SGCD: variants seen among roughly 807,000 people sequenced by gnomAD.
SGCD encodes the protein sarcoglycan delta, also known as delta-sarcoglycan.
Under a neutral mutation model 36.6 loss-of-function variants are expected in SGCD, and 18 were observed. The ratio of observed to expected loss-of-function variants is 0.49; its 90% CI spans 0.34 to 0.73. SGCD has a LOEUF of 0.73. Among genes scored for constraint, SGCD ranks in the 30% least tolerant of loss-of-function variants. The pLI is 0.01. For synonymous variants in SGCD, 133 were observed against 130.6 expected, an observed-to-expected ratio of 1.02 and a Z score of -0.12; for missense variants, 387 against 346.7, an observed-to-expected ratio of 1.12 and a Z score of -0.92.
At chr5:155,757,043 G>A in the SGCD span, among the ~76,000 whole-genome samples, 2 of 152,178 alleles carry the variant, frequency 1.3e-5, no homozygotes, top group African/African-American at 4.8e-5. Context: ...CCACAGGCGG[G>A]GTCTATGCTG....
At chr5:155,900,064 A>G (rs1561643381) in intron 1 of SGCD, among the ~76,000 whole-genome samples, 1 of 152,178 alleles carries the variant, frequency 6.6e-6, no homozygotes, top group Non-Finnish European at 1.5e-5. Context: ...CTGACTACCT[A>G]TACATAATCT....
At chr5:156,321,103 A>G (rs1445038739) in intron 3 of SGCD, among the ~76,000 whole-genome samples, 1 of 152,180 alleles carries the variant, frequency 6.6e-6, no homozygotes, top group Non-Finnish European at 1.5e-5. Context: ...AATATTTCTA[A>G]AAAACAAATT....
At chr5:156,120,183 G>A (rs185026297) in intron 2 of SGCD, among the ~76,000 whole-genome samples, 68 of 152,256 alleles carry the variant, frequency 4.5e-4, no homozygotes, top group African/African-American at 1.5e-3. Flanking sequence ...TTGTTAATGG[G>A]TAGTGGAATT....
At chr5:156,314,286 A>G (rs1046890468) in intron 3 of SGCD, among the ~76,000 whole-genome samples, 6 of 152,082 alleles carry the variant, frequency 3.9e-5, no homozygotes, top group Admixed American at 2.0e-4. Flanking sequence ...AACTTAGTCT[A>G]TAAAGACTAA....
chr5:156,386,164 A>G (rs185540004), intron 3 of SGCD, among the ~76,000 whole-genome samples: 1 of 152,326 alleles, frequency 6.6e-6, no homozygotes, highest in East Asian at 1.9e-4. Flanking sequence ...GAAGCACTGA[A>G]GTCCCTGTGC....
At chr5:155,803,798 C>T in the SGCD span, among the ~76,000 whole-genome samples, 6 of 152,108 alleles carry the variant, frequency 3.9e-5, no homozygotes, top group Admixed American at 6.6e-5. Context: ...GGCAAGTTTT[C>T]GTTCCTTCAG....
chr5:156,753,509 G>C (rs898974065), intron 7 of SGCD, among the ~76,000 whole-genome samples: 9 of 152,168 alleles, frequency 5.9e-5, no homozygotes, highest in African/African-American at 2.2e-4. Flanking sequence ...AGTTTCCACA[G>C]GGTTTTGGTA....
chr5:156,654,416 T>G (rs1763593363), intron 7 of SGCD, among the ~76,000 whole-genome samples: 1 of 152,156 alleles, frequency 6.6e-6, no homozygotes, highest in Admixed American at 6.6e-5. Context: ...TCCAGGTGTG[T>G]TGCCATACTT....
intron 7 of SGCD, among the ~76,000 whole-genome samples, chr5:156,681,794 T>C (rs1753732990): frequency 6.6e-6 from 1 of 152,240 alleles, no homozygotes; most frequent in Non-Finnish European, 1.5e-5. Flanking sequence ...ATCATTAGAA[T>C]GGTTTTTAAA....
At chr5:156,476,952 G>C (rs943321632) in intron 3 of SGCD, among the ~76,000 whole-genome samples, 1 of 151,490 alleles carries the variant, frequency 6.6e-6, no homozygotes, top group Non-Finnish European at 1.5e-5. Flanking sequence ...TATTTTATGA[G>C]CCTAGAAGCA....
chr5:156,562,356 A>T (rs1420194676), intron 4 of SGCD, among the ~76,000 whole-genome samples: 4 of 152,166 alleles, frequency 2.6e-5, no homozygotes, highest in Admixed American at 6.5e-5. Context: ...AAGCACATGA[A>T]GGTGGTAAGG....
At chr5:155,992,136 A>G (rs561854922) in intron 1 of SGCD, among the ~76,000 whole-genome samples, 1 of 152,290 alleles carries the variant, frequency 6.6e-6, no homozygotes, top group East Asian at 1.9e-4. Context: ...TCTAGGTTGG[A>G]TACTACTTCC....
chr5:155,769,122 A>T, the SGCD span, among the ~76,000 whole-genome samples: 2 of 152,154 alleles, frequency 1.3e-5, no homozygotes, highest in African/African-American at 2.4e-5. Flanking sequence ...TAGGAGAATT[A>T]TTCATAATAT....
intron 3 of SGCD, among the ~76,000 whole-genome samples, chr5:156,310,168 G>T (rs149758049): frequency 7.2e-5 from 11 of 152,260 alleles, no homozygotes; most frequent in African/African-American, 2.4e-4. Flanking sequence ...CATACATGCA[G>T]TTGCTTTTGA....
chr5:156,183,329 A>G (rs1229378143), intron 3 of SGCD, among the ~76,000 whole-genome samples: 1 of 152,228 alleles, frequency 6.6e-6, no homozygotes, highest in Non-Finnish European at 1.5e-5. Flanking sequence ...ATAGGATGAG[A>G]TTGAAATCAC....
chr5:155,858,925 G>T, the SGCD span, among the ~76,000 whole-genome samples: 1 of 122,836 alleles, frequency 8.1e-6, no homozygotes, highest in Non-Finnish European at 1.6e-5. Flanking sequence ...ATGTGTTATG[G>T]TTCTTAGGCA....
intron 1 of SGCD, among the ~76,000 whole-genome samples, chr5:155,994,989 C>G (rs1045064847): frequency 6.6e-6 from 1 of 152,176 alleles, no homozygotes; most frequent in African/African-American, 2.4e-5. Context: ...TGAGCTCAGT[C>G]GTCTGTCCGT....
At chr5:155,849,162 TGTC>T in the SGCD span, among the ~76,000 whole-genome samples, 2 of 152,160 alleles carry the variant, frequency 1.3e-5, no homozygotes, top group South Asian at 2.1e-4. Flanking sequence ...ATTAAACTAA[TGTC>T]GTAATGGTAA....
chr5:156,759,488 C>CAAAG lies in SGCD; in HGVS notation c.*100_*103dup. On this transcript the variant is annotated 3_prime_UTR_variant, in exon 9 of 9. Coordinates refer to ENST00000337851, the MANE Select transcript of SGCD (RefSeq NM_000337.6). ...TTTTACTAGAACACAGAAAGCCTAT[C>CAAAG]AAAGACCTTGTGTGTATGTGTACGT... 3 of 833,078 alleles carry CAAAG rather than the reference C, an allele frequency of 3.6e-6. No homozygotes were observed. Among genetic ancestry groups the CAAAG allele is most frequent in the Non-Finnish European group, 5.7e-6 (3 of 528,570 alleles). The allele number at this position is 833,078 out of a possible 1,614,324, so 51.6% of individuals were successfully genotyped here.
Sources: allele counts gnomAD v4.1 joint callset (sites outside exome capture counted in the v4.1 genomes callset), GRCh38; gene constraint gnomAD v4.1.1; transcripts MANE v1.5; gene names NCBI Gene and HGNC (gene_info 2026-07-23, HGNC 2026-07-21).